DNAH5: variants seen among roughly 807,000 people sequenced by gnomAD.
The protein encoded by DNAH5 is axonemal beta dynein heavy chain 5.
DNAH5 carries 372 observed loss-of-function variants against 518.2 expected under a neutral mutation model. The ratio of observed to expected loss-of-function variants is 0.72; its 90% CI spans 0.66 to 0.78. The LOEUF (loss-of-function observed/expected upper bound fraction) is 0.78. Among genes scored for constraint, DNAH5 ranks in the 30% least tolerant of loss-of-function variants. The pLI is 0.00. For missense variants in DNAH5, 5,523 were observed against 5,687.0 expected (o/e 0.97, Z 0.93); for synonymous variants, 2,039 against 2,025.9 (o/e 1.01, Z -0.17).
intron 24 of DNAH5, 149 bp from the exon 25 acceptor site, chr5:13,868,141 G>A: frequency 2.8e-6 from 2 of 710,436 alleles, no homozygotes; most frequent in Non-Finnish European, 4.8e-6. Flanking sequence ...ACCGCAAGAG[G>A]TTAACTGTGC....
intron 17 of DNAH5, among the ~76,000 whole-genome samples, chr5:13,887,310 C>T (rs1772569394): frequency 6.6e-6 from 1 of 152,172 alleles, no homozygotes; most frequent in African/African-American, 2.4e-5. Context: ...ACGTTGTTTA[C>T]ATCTCTTAAC....
At chr5:13,974,350 C>T (rs991472462) in intron 1 of DNAH5, among the ~76,000 whole-genome samples, 14 of 152,052 alleles carry the variant, frequency 9.2e-5, no homozygotes, top group African/African-American at 3.1e-4. Flanking sequence ...GGCTTGAACT[C>T]CTGGACTCAA....
chr5:13,713,675 T>C (rs1267357446), intron 75 of DNAH5, among the ~76,000 whole-genome samples: 2 of 145,006 alleles, frequency 1.4e-5, no homozygotes, highest in Non-Finnish European at 3.0e-5. Flanking sequence ...ACAATGGACT[T>C]TGGGGACTTG....
Position 13,866,239 on chromosome 5 carries a change from T to C in DNAH5, c.4097A>G (p.Asp1366Gly). Reference protein sequence around the residue: ...ASGLKPQEASDRLIMFQNQFD... With the variant: ...ASGLKPQEASGRLIMFQNQFD... Reference sequence around the variant, plus strand: ...GATTACCTGAAACATGATAAGCCTGTCACTGGCTTCCTGGGGCTTCAAGCC... The same window carrying C: ...GATTACCTGAAACATGATAAGCCTGCCACTGGCTTCCTGGGGCTTCAAGCC... The change falls in exon 26 of 79, where the codon GAC becomes GGC. Residue 1366 changes from aspartate (D) to glycine (G), a missense_variant. Asp to Gly is a moderately conservative substitution (Grantham distance 94). Around this residue, in one of 3 missense-constraint regions of DNAH5, gnomAD observed 5,121 missense variants for 5,223.3 expected, o/e 0.98. Transcript: ENST00000265104. 3 of 1,613,750 alleles carry C rather than the reference T, an allele frequency of 1.9e-6. No homozygotes were observed. The highest frequency in any genetic ancestry group is 2.5e-6 in the Non-Finnish European group (3 of 1,179,832).
intron 68 of DNAH5, 89 bp from the exon 69 acceptor site, chr5:13,729,649 T>C (rs1746225826): frequency 3.3e-6 from 4 of 1,208,042 alleles, no homozygotes; most frequent in Non-Finnish European, 3.5e-6. Flanking sequence ...TTAATTTCAG[T>C]TATTTTACTA....
At chr5:13,734,248 C>G (rs1669142355) in intron 68 of DNAH5, among the ~76,000 whole-genome samples, 1 of 152,208 alleles carries the variant, frequency 6.6e-6, no homozygotes. Context: ...ATCCACTGTG[C>G]TGCACCCTGA....
intron 43 of DNAH5, among the ~76,000 whole-genome samples, chr5:13,812,775 C>T (rs1472440529): frequency 6.6e-6 from 1 of 152,124 alleles, no homozygotes; most frequent in African/African-American, 2.4e-5. Flanking sequence ...CTCATAAATA[C>T]CACTTAACAC....
chr5:14,006,563 T>C (rs1368412556), intron 1 of DNAH5, among the ~76,000 whole-genome samples: 1 of 152,184 alleles, frequency 6.6e-6, no homozygotes, highest in Non-Finnish European at 1.5e-5. Flanking sequence ...ACACCGATCA[T>C]ATCGGATTGG....
At chr5:13,953,132 A>G (rs1402667512) in intron 1 of DNAH5, among the ~76,000 whole-genome samples, 3 of 152,206 alleles carry the variant, frequency 2.0e-5, no homozygotes, top group African/African-American at 7.2e-5. Flanking sequence ...TATTGCTAAG[A>G]AGACTAAATT....
Position 13,783,273 on chromosome 5 carries a change from A to T in DNAH5, c.8821-2314T>A, listed in dbSNP as rs1315183580. Among the ~76,000 whole-genome samples, 4 of 152,216 alleles carry T rather than the reference A, an allele frequency of 2.6e-5. No homozygotes were observed. The East Asian group carries it at 7.7e-4, about 29-fold the overall frequency. ...CAGTATGAGGTATGGAAATATCAGG[A>T]TATAAGGCAGCAAAGGATTGTTTAG... On this transcript the variant is annotated intron_variant, in intron 52 of 78. Coordinates refer to ENST00000265104, the MANE Select transcript of DNAH5 (RefSeq NM_001369.3).
chr5:13,698,980 C>A (rs563592606), intron 78 of DNAH5, among the ~76,000 whole-genome samples: 1 of 152,138 alleles, frequency 6.6e-6, no homozygotes, highest in African/African-American at 2.4e-5. Context: ...ATATTTGTTT[C>A]TTTTATGGCT....
chr5:13,749,071 A>G (rs190148633), intron 65 of DNAH5, among the ~76,000 whole-genome samples: 47 of 152,180 alleles, frequency 3.1e-4, no homozygotes, highest in Non-Finnish European at 5.6e-4. Flanking sequence ...GGAAGTGAAG[A>G]AGCTGCAAAA....
rs7719896 is a variant in DNAH5, at chr5:13,840,908, G to A, written c.5707C>T (p.Leu1903=). The part of the protein sequence containing the change: ...HVHQRDIFDD[L]CHMHIKSPMD... ...CACAGCATTTATAAAGAATTTACCA[G>A]GTCATCAAAGATATCCCTTTGGTGC... Residue 1903 remains leucine, a splice_region_variant and synonymous_variant, in exon 34 of 79, where the codon CTG becomes TTG. Coordinates refer to ENST00000265104, the MANE Select transcript of DNAH5 (RefSeq NM_001369.3). 1,243 of 1,613,126 alleles carry A rather than the reference G, an allele frequency of 7.7e-4. 13 individuals carry two copies. In the African/African-American group the frequency reaches 0.015, roughly 19 times the overall value.
At chr5:13,751,905 C>T (rs1750290488) in intron 64 of DNAH5, among the ~76,000 whole-genome samples, 1 of 152,178 alleles carries the variant, frequency 6.6e-6, no homozygotes, top group Admixed American at 6.5e-5. Flanking sequence ...AAGCTGTCAG[C>T]ATCAAATGCA....
chr5:13,871,069 C>G, intron 23 of DNAH5, 67 bp from the exon 24 acceptor site: 1 of 1,197,728 alleles, frequency 8.3e-7, no homozygotes, highest in Middle Eastern at 2.0e-4. Context: ...GTCAAACTGT[C>G]GCTGTTCTCC....
intron 1 of DNAH5, among the ~76,000 whole-genome samples, chr5:14,007,822 G>A (rs1265168351): frequency 2.6e-5 from 4 of 152,176 alleles, no homozygotes; most frequent in Non-Finnish European, 5.9e-5. Flanking sequence ...TGTAATGAAT[G>A]TTAGGAGAGC....
chr5:13,991,963 C>T (rs905713790), intron 1 of DNAH5, among the ~76,000 whole-genome samples: 2 of 152,122 alleles, frequency 1.3e-5, no homozygotes, highest in Non-Finnish European at 2.9e-5. Flanking sequence ...TCCTCCAGTA[C>T]ACGAAGCAGA....
At chr5:13,708,455 T>A in intron 75 of DNAH5, 120 bp from the exon 76 acceptor site, 2 of 886,308 alleles carry the variant, frequency 2.3e-6, no homozygotes, top group Non-Finnish European at 3.5e-6. Flanking sequence ...AATAAGCTTC[T>A]AATTTATTGC....
rs775816222 is a variant in DNAH5, at chr5:13,871,735, G to A, written c.3427C>T (p.Arg1143Cys). The A allele has an allele frequency of 2.7e-5, 43 of 1,613,444 alleles. No individual in the cohort carries two copies. The highest frequency in any genetic ancestry group is 1.6e-4 in the Middle Eastern group (1 of 6,080). Residue 1143 changes from arginine to cysteine, a missense_variant, in exon 23 of 79, where the codon CGC becomes TGC. Transcript: ENST00000265104. ...EVITSMDCFK[R>C]YNHIWQKGKE... ...CCCTTTTGCCAAATGTGATTGTAGC[G>A]TTTGAAGCAATCCATGGATGTAATA...
Sources: allele counts gnomAD v4.1 joint callset (sites outside exome capture counted in the v4.1 genomes callset), GRCh38; gene constraint gnomAD v4.1.1; regional missense constraint gnomAD v4.1.1; transcripts MANE v1.5; gene names NCBI Gene and HGNC (gene_info 2026-07-23, HGNC 2026-07-21).